Variants in CNIH3 observed in about 807,000 individuals in gnomAD.
The protein encoded by CNIH3 is protein cornichon homolog 3.
In CNIH3, 14 loss-of-function variants were observed where a neutral mutation model predicts 24.1. The observed-to-expected ratio is 0.58, with a 90% CI of 0.38 to 0.91. The LOEUF is 0.91. CNIH3 is among the 40% of genes least tolerant of loss of function. The pLI is 0.00. For synonymous variants in CNIH3, 68 were observed against 73.8 expected (o/e 0.92, Z 0.40); for missense variants, 178 against 196.8 (o/e 0.90, Z 0.57).
rs576297649 is a variant in CNIH3, at chr1:224,684,345, G to A, written c.151-451G>A. The stretch of plus-strand genomic sequence containing the variant: ...TAGAAAAATAAAACCAGCAGGCAGA[G>A]AACTTGTCTACCTTAGATACTAATG... On this transcript the variant is annotated intron_variant, in intron 2 of 5. Transcript: ENST00000272133. The surrounding 1 kb of genome is among the most constrained non-coding windows in gnomAD (Gnocchi z 4.2). Among the ~76,000 whole-genome samples, 21 of 152,326 alleles carry A rather than the reference G, an allele frequency of 1.4e-4. No homozygotes were observed. The highest frequency in any genetic ancestry group is 2.8e-4 in the Non-Finnish European group (19 of 68,030).
chr1:224,595,081 C>T (rs1398633286), intron 3 of CNIH3, among the ~76,000 whole-genome samples: 1 of 152,054 alleles, frequency 6.6e-6, no homozygotes, highest in African/African-American at 2.4e-5. Flanking sequence ...TCAAATTTGC[C>T]CTGTTGTCAG....
intron 5 of CNIH3, among the ~76,000 whole-genome samples, chr1:224,583,570 G>C (rs951588530): frequency 6.6e-6 from 1 of 152,200 alleles, no homozygotes; most frequent in Non-Finnish European, 1.5e-5. Context: ...AGCTATGGTG[G>C]AGGGTGAGTT....
chr1:224,573,527 G>C (rs916182263), intron 4 of CNIH3, among the ~76,000 whole-genome samples: 21 of 152,154 alleles, frequency 1.4e-4, no homozygotes, highest in African/African-American at 5.1e-4. Flanking sequence ...TCAATAGGAG[G>C]GAGTCCAAGA....
intron 1 of CNIH3, among the ~76,000 whole-genome samples, chr1:224,452,857 G>A (rs528608882): frequency 1.3e-4 from 19 of 145,932 alleles, no homozygotes; most frequent in African/African-American, 3.0e-4. Flanking sequence ...GCGGTGGCTC[G>A]TGCCTGTAAT....
chr1:224,737,215 C>CGGGGGTGGGA (rs1366878994), intron 5 of CNIH3, among the ~76,000 whole-genome samples: 1 of 14,692 alleles, frequency 6.8e-5, no homozygotes, highest in Non-Finnish European at 1.2e-4. Context: ...TGCTCCGCTG[C>CGGGGGTGGGA]GGGGGTGGGA....
intron 1 of CNIH3, among the ~76,000 whole-genome samples, chr1:224,630,059 TC>T (rs1683742047): frequency 2.6e-5 from 4 of 152,168 alleles, no homozygotes; most frequent in African/African-American, 2.4e-5. Flanking sequence ...AGTTGTTTCT[TC>T]CAGAGGATTT....
chr1:224,479,676 C>T (rs577454326), intron 1 of CNIH3, among the ~76,000 whole-genome samples: 3 of 152,324 alleles, frequency 2.0e-5, no homozygotes, highest in East Asian at 1.9e-4. Flanking sequence ...GTCTGAAATC[C>T]AGCAGGGCAG....
At chr1:224,544,057 G>A (rs1255393421) in intron 2 of CNIH3, among the ~76,000 whole-genome samples, 1 of 152,038 alleles carries the variant, frequency 6.6e-6, no homozygotes, top group African/African-American at 2.4e-5. Context: ...TGGCTCTTTG[G>A]CTGTTAAGAG....
intron 2 of CNIH3, among the ~76,000 whole-genome samples, chr1:224,530,968 C>A (rs116167214): frequency 6.6e-6 from 1 of 152,000 alleles, no homozygotes; most frequent in Non-Finnish European, 1.5e-5. Flanking sequence ...CTTTTTTCCC[C>A]CCTAGGATAA....
chr1:224,453,116 A>G (rs964339280), intron 1 of CNIH3, among the ~76,000 whole-genome samples: 6 of 151,660 alleles, frequency 4.0e-5, no homozygotes, highest in African/African-American at 1.5e-4. Context: ...AAGAGACTCC[A>G]TCTCAAAAAA....
intron 5 of CNIH3, among the ~76,000 whole-genome samples, chr1:224,586,187 T>G (rs1681499906): frequency 6.6e-6 from 1 of 152,202 alleles, no homozygotes; most frequent in Non-Finnish European, 1.5e-5. Context: ...CTTTGGGAAC[T>G]TTAGGGCTAT....
chr1:224,645,486 C>T (rs576810850), intron 1 of CNIH3, among the ~76,000 whole-genome samples: 3 of 152,364 alleles, frequency 2.0e-5, no homozygotes, highest in East Asian at 1.9e-4. Flanking sequence ...CCAGCGGTGC[C>T]GAGCGTTTCC....
At chr1:224,590,039 G>C (rs780826221), downstream of CNIH3, among the ~76,000 whole-genome samples, 7 of 152,096 alleles carry the variant, frequency 4.6e-5, no homozygotes, top group Non-Finnish European at 1.0e-4. Context: ...GCCAGGCCTG[G>C]CTAATTTTTG....
At chr1:224,734,777 G>A in intron 5 of CNIH3, 71 bp downstream of exon 5, 1 of 1,546,912 alleles carries the variant, frequency 6.5e-7, no homozygotes, top group South Asian at 1.1e-5. Context: ...CTGGCCTCTG[G>A]GAGGCGTCCT....
At chr1:224,555,174 G>T (rs983056275) in intron 3 of CNIH3, among the ~76,000 whole-genome samples, 1 of 152,144 alleles carries the variant, frequency 6.6e-6, no homozygotes, top group Non-Finnish European at 1.5e-5. Flanking sequence ...TAAGGAAAAT[G>T]AGGCTCAAAA....
Position 224,616,695 on chromosome 1 carries a change from G to A in CNIH3, c.-480G>A. On this transcript the variant is annotated 5_prime_UTR_variant, in exon 1 of 6. Coordinates refer to ENST00000272133, the MANE Select transcript of CNIH3 (RefSeq NM_152495.2). ...TCGGGCACCTCGCTGGACACTATCC[G>A]TTTGCGCCCCGGTGGCGCGGGAGGG... 1 of 992,072 alleles carries A rather than the reference G, an allele frequency of 1.0e-6. No homozygotes were observed. The highest frequency in any genetic ancestry group is 1.2e-6 in the Non-Finnish European group (1 of 834,568). 61.5% of individuals were successfully genotyped at this position (992,072 alleles called of 1,614,324 possible). A position where few individuals can be genotyped will look rare whatever the true frequency, so the allele number is the denominator to read the frequency against.
chr1:224,527,018 C>T lies in CNIH3; in HGVS notation n.343+5691C>T, dbSNP rs150282114. Among the ~76,000 whole-genome samples the T allele has an allele frequency of 5.3e-4, 81 of 152,290 alleles. 1 individual carries two copies. The East Asian group carries it at 0.014, about 26-fold the overall frequency. ...ATGACCCAATCACCTCCCATCAGGC[C>T]CGCCTCCAACATTGGGGATTATATT... is the stretch of plus-strand genomic sequence containing the variant. On this transcript the variant is annotated intron_variant and non_coding_transcript_variant, in intron 2 of 2. Transcript: ENST00000470602.
At chr1:224,608,391 A>C (rs1049880835) in intron 3 of CNIH3, among the ~76,000 whole-genome samples, 2 of 152,136 alleles carry the variant, frequency 1.3e-5, no homozygotes, top group Admixed American at 1.3e-4. Context: ...ATGTCTCAAA[A>C]ACCGAGCTCC....
chr1:224,514,810 C>T (rs893856790), upstream of CNIH3, among the ~76,000 whole-genome samples: 32 of 152,142 alleles, frequency 2.1e-4, no homozygotes, highest in Non-Finnish European at 2.9e-4. Flanking sequence ...CCAGCCTTGG[C>T]GAGAGTGAGA....
Sources: allele counts gnomAD v4.1 joint callset (sites outside exome capture counted in the v4.1 genomes callset), GRCh38; gene constraint gnomAD v4.1.1; non-coding constraint Gnocchi (gnomAD v3.1); transcripts MANE v1.5; gene names NCBI Gene and HGNC (gene_info 2026-07-23, HGNC 2026-07-21).